Variants in TRDN observed in about 807,000 individuals in gnomAD.
TRDN encodes the protein triadin.
Under a neutral mutation model 149.7 loss-of-function variants are expected in TRDN, and 161 were observed. The observed-to-expected ratio is 1.08, with a 90% CI of 0.95 to 1.23. The LOEUF (loss-of-function observed/expected upper bound fraction) is 1.23, where lower values mean the gene tolerates loss of function less well. Among genes scored for constraint, TRDN ranks in the 50% most tolerant of loss-of-function variants. The probability of loss-of-function intolerance (pLI) is 0.00; values close to 1 mark genes in which losing one functional copy is unlikely to be tolerated. For missense variants in TRDN, 896 were observed against 823.5 expected (o/e 1.09, Z -1.08); for synonymous variants, 294 against 250.5 (o/e 1.17, Z -1.64).
rs138034957 is a variant in TRDN, at chr6:123,275,453, G to A, written c.1568-783C>T. 3.9e-3 allele frequency among the ~76,000 whole-genome samples: 587 copies of A among 152,112 alleles called. 5 individuals are homozygous for A. Among genetic ancestry groups the A allele is most frequent in the African/African-American group, 0.012 (518 of 41,500 alleles). The stretch of plus-strand genomic sequence containing the variant: ...GAAGCAAACAAATATTCTCCTCTAC[G>A]GTTTTAAAAAGAAGTGTTGCTTTGT... On this transcript the variant is annotated intron_variant, in intron 26 of 40. Coordinates refer to ENST00000334268, the MANE Select transcript of TRDN (RefSeq NM_006073.4).
At chr6:123,443,838 G>A (rs573499174) in intron 10 of TRDN, among the ~76,000 whole-genome samples, 152 of 150,430 alleles carry the variant, frequency 1.0e-3, no homozygotes, top group African/African-American at 3.5e-3. Context: ...ATAGATATGC[G>A]GCGTTATTTC....
At chr6:123,363,093 C>A (rs1402958527) in intron 20 of TRDN, among the ~76,000 whole-genome samples, 1 of 152,130 alleles carries the variant, frequency 6.6e-6, no homozygotes, top group African/African-American at 2.4e-5. Context: ...TCTTCAAAAA[C>A]TTTAAAACAA....
chr6:123,269,854 G>T lies in TRDN; in HGVS notation c.1733C>A (p.Pro578Gln), dbSNP rs761240477. Residue 578 changes from proline (P) to glutamine (Q), a missense_variant, in exon 31 of 41, where the codon CCA (proline) becomes CAA (glutamine). Coordinates refer to ENST00000334268, the MANE Select transcript of TRDN (RefSeq NM_006073.4). ...VTIEKTAKPK[P>Q]TKKAEHRERE... The stretch of plus-strand genomic sequence containing the variant: ...TTATTCTATTCATCTCTTACTTGTT[G>T]GTTTGGGCTTGGCTGTGGAGAATGG... The T allele has an allele frequency of 3.5e-5, 56 of 1,610,408 alleles. No homozygotes were observed. In the Middle Eastern group the frequency reaches 9.9e-4, roughly 28 times the overall value.
At chr6:123,622,346 C>G (rs905722156) in intron 1 of TRDN, among the ~76,000 whole-genome samples, 2 of 63,866 alleles carry the variant, frequency 3.1e-5, no homozygotes, top group African/African-American at 7.3e-5. Context: ...CACACACACA[C>G]AGGCACACGC....
At chr6:123,583,150 A>G (rs533272989) in intron 1 of TRDN, among the ~76,000 whole-genome samples, 1 of 152,206 alleles carries the variant, frequency 6.6e-6, no homozygotes, top group Non-Finnish European at 1.5e-5. Flanking sequence ...TCAAGAGTTA[A>G]GAGTGGCAGT....
intron 24 of TRDN, among the ~76,000 whole-genome samples, chr6:123,291,138 T>C (rs543340496): frequency 3.9e-5 from 6 of 152,138 alleles, no homozygotes; most frequent in Non-Finnish European, 8.8e-5. Context: ...GTCTGGGTGG[T>C]GGAGTGAGAC....
chr6:123,423,247 C>T (rs761587701), intron 12 of TRDN, among the ~76,000 whole-genome samples: 1 of 151,908 alleles, frequency 6.6e-6, no homozygotes, highest in South Asian at 2.1e-4. Flanking sequence ...AAGATAAAAC[C>T]AATGAAAGTT....
intron 10 of TRDN, among the ~76,000 whole-genome samples, chr6:123,461,979 G>T (rs1429598590): frequency 6.6e-6 from 1 of 152,048 alleles, no homozygotes; most frequent in African/African-American, 2.4e-5. Context: ...TTGCTTAAAA[G>T]ATGAGAATTA....
chr6:123,553,264 G>T lies in TRDN; in HGVS notation c.233-4652C>A, dbSNP rs200533787. 2.7e-4 allele frequency among the ~76,000 whole-genome samples: 41 copies of T among 152,192 alleles called. No individual in the cohort carries two copies. In the East Asian group the frequency reaches 7.6e-3, roughly 28 times the overall value. On this transcript the variant is annotated intron_variant, in intron 2 of 40. Transcript: ENST00000334268. ...ACAACTGGTGTTTCCAGCATTCCCT[G>T]ATGCACTTAGCACCTAAACTCTGAC...
chr6:123,479,792 T>C (rs1449182299), intron 9 of TRDN, among the ~76,000 whole-genome samples: 1 of 152,192 alleles, frequency 6.6e-6, no homozygotes, highest in Non-Finnish European at 1.5e-5. Flanking sequence ...ATAGATATTA[T>C]ATTGCCATAT....
At chr6:123,560,162 A>G (rs895518040) in intron 2 of TRDN, among the ~76,000 whole-genome samples, 10 of 152,180 alleles carry the variant, frequency 6.6e-5, no homozygotes, top group African/African-American at 2.4e-4. Context: ...GACCCTCAAA[A>G]TCACAAACTA....
At chr6:123,620,431 C>T (rs1374017500) in intron 1 of TRDN, among the ~76,000 whole-genome samples, 2 of 152,114 alleles carry the variant, frequency 1.3e-5, no homozygotes, top group Non-Finnish European at 2.9e-5. Context: ...GGAATTTTCT[C>T]AAAGTTGTTA....
intron 10 of TRDN, chr6:123,457,435 A>G: frequency 2.9e-6 from 1 of 340,466 alleles, no homozygotes; most frequent in Non-Finnish European, 5.6e-6. Flanking sequence ...AATCAATAAC[A>G]GGAAATCAAA....
chr6:123,389,461 C>G (rs1782026825), intron 13 of TRDN: 1 of 152,084 alleles, frequency 6.6e-6, no homozygotes, highest in African/African-American at 2.4e-5. Flanking sequence ...GCTACAATTG[C>G]CAAAGCTCTT....
chr6:123,561,001 T>C (rs1781963308), intron 2 of TRDN, among the ~76,000 whole-genome samples: 2 of 152,184 alleles, frequency 1.3e-5, no homozygotes, highest in South Asian at 2.1e-4. Context: ...GATTTGCCCC[T>C]GCCCAGGACT....
chr6:123,403,803 G>A (rs998212893), intron 12 of TRDN, among the ~76,000 whole-genome samples: 4 of 151,620 alleles, frequency 2.6e-5, no homozygotes, highest in Admixed American at 6.6e-5. Flanking sequence ...AAAGTTTTGC[G>A]AATCAAAATC....
chr6:123,421,590 T>G (rs1773903892), intron 12 of TRDN: 1 of 152,186 alleles, frequency 6.6e-6, no homozygotes, highest in Non-Finnish European at 1.5e-5. Flanking sequence ...TCAGGAGGAC[T>G]CAGCCATAGA....
At chr6:123,333,056 A>G (rs1313641347) in intron 22 of TRDN, among the ~76,000 whole-genome samples, 1 of 152,026 alleles carries the variant, frequency 6.6e-6, no homozygotes, top group African/African-American at 2.4e-5. Flanking sequence ...TCCATACTTC[A>G]GCATATGAAG....
At chr6:123,578,900 G>A (rs976875366) in intron 1 of TRDN, among the ~76,000 whole-genome samples, 8 of 151,736 alleles carry the variant, frequency 5.3e-5, no homozygotes, top group East Asian at 3.9e-4. Context: ...TGGTTTTTTC[G>A]TGTGTGTGGC....
Sources: gnomAD v4.1 joint callset for allele counts (sites outside exome capture counted in the v4.1 genomes callset) on GRCh38, gnomAD v4.1.1 for gene constraint, MANE v1.5 for transcripts, NCBI Gene and HGNC (gene_info 2026-07-23, HGNC 2026-07-21) for gene names.